The following CTNNA2 variants were observed in gnomAD, a reference collection of about 807,000 sequenced individuals.
The protein encoded by CTNNA2 is catenin alpha-2.
In CTNNA2, 42 loss-of-function variants were observed where a neutral mutation model predicts 101.0. The ratio of observed to expected loss-of-function variants is 0.42; its 90% CI spans 0.32 to 0.54. The LOEUF (loss-of-function observed/expected upper bound fraction) is 0.54. CTNNA2 is among the 20% of genes least tolerant of loss of function. CTNNA2 has a pLI of 0.14. For synonymous variants in CTNNA2, 450 were observed against 456.4 expected (o/e 0.99, Z 0.18); for missense variants, 871 against 1,223.1 (o/e 0.71, Z 4.29).
At chr2:80,106,894 T>C (rs1321449358) in intron 7 of CTNNA2, among the ~76,000 whole-genome samples, 1 of 152,116 alleles carries the variant, frequency 6.6e-6, no homozygotes, top group South Asian at 2.1e-4. Flanking sequence ...CGCTTGTCCT[T>C]TGGGGGCCCT....
At chr2:80,248,386 G>T (rs546765622) in intron 7 of CTNNA2, among the ~76,000 whole-genome samples, 39 of 152,276 alleles carry the variant, frequency 2.6e-4, no homozygotes, top group Admixed American at 9.2e-4. Flanking sequence ...TTATTTGTCT[G>T]TTGGGCAGGA....
chr2:79,402,378 G>T (rs2104482009), intron 4 of CTNNA2, among the ~76,000 whole-genome samples: 1 of 151,914 alleles, frequency 6.6e-6, no homozygotes, highest in South Asian at 2.1e-4. Flanking sequence ...CCCTTTATCT[G>T]CAGGGGATGT....
intron 2 of CTNNA2, among the ~76,000 whole-genome samples, chr2:79,211,392 C>T (rs1360285813): frequency 6.6e-6 from 1 of 152,106 alleles, no homozygotes; most frequent in Non-Finnish European, 1.5e-5. Context: ...TTTGTGTGAG[C>T]AGTAAAGCTG....
At chr2:79,356,910 T>C (rs1677520802) in intron 3 of CTNNA2, among the ~76,000 whole-genome samples, 1 of 152,182 alleles carries the variant, frequency 6.6e-6, no homozygotes, top group Non-Finnish European at 1.5e-5. Flanking sequence ...GATTTAAACA[T>C]AGTTATGATT....
intron 7 of CTNNA2, among the ~76,000 whole-genome samples, chr2:80,333,325 A>G (rs1573748343): frequency 2.0e-5 from 3 of 152,104 alleles, no homozygotes; most frequent in Non-Finnish European, 2.9e-5. Context: ...CCAAGGGCTT[A>G]TCTCATGGTG....
upstream of CTNNA2, among the ~76,000 whole-genome samples, chr2:79,511,588 T>C (rs1288992664): frequency 6.6e-6 from 1 of 152,160 alleles, no homozygotes; most frequent in African/African-American, 2.4e-5. Flanking sequence ...GTGACTCCTG[T>C]TCACTTTTTC....
intron 7 of CTNNA2, among the ~76,000 whole-genome samples, chr2:80,216,118 G>A (rs920263931): frequency 6.6e-6 from 1 of 152,206 alleles, no homozygotes; most frequent in Non-Finnish European, 1.5e-5. Flanking sequence ...GAAAAGCGCA[G>A]TATTAGGGTG....
chr2:79,758,837 A>C (rs1253478467), intron 3 of CTNNA2, among the ~76,000 whole-genome samples: 1 of 152,168 alleles, frequency 6.6e-6, no homozygotes, highest in African/African-American at 2.4e-5. Context: ...TTCTATATCC[A>C]ATCCACTGTT....
intron 1 of CTNNA2, among the ~76,000 whole-genome samples, chr2:79,619,152 G>A (rs1270850081): frequency 6.6e-6 from 1 of 152,246 alleles, no homozygotes; most frequent in East Asian, 1.9e-4. Context: ...GTTGCAGTGA[G>A]CCGAGATTGC....
chr2:79,720,100 C>A (rs1027695550), intron 2 of CTNNA2, among the ~76,000 whole-genome samples: 4 of 152,066 alleles, frequency 2.6e-5, no homozygotes, highest in African/African-American at 9.7e-5. Flanking sequence ...CAATTTCATT[C>A]TTTTGCATAT....
At chr2:80,361,498 G>A (rs112663154) in intron 7 of CTNNA2, among the ~76,000 whole-genome samples, 3,123 of 152,198 alleles carry the variant, frequency 0.021, 44 homozygotes, top group Middle Eastern at 0.037. Context: ...CAAACTACAT[G>A]TAGTTTCTTG....
At chr2:79,327,345 C>T (rs141153746) in intron 3 of CTNNA2, among the ~76,000 whole-genome samples, 16 of 152,178 alleles carry the variant, frequency 1.1e-4, no homozygotes, top group East Asian at 7.7e-4. Context: ...AAATCAGTTG[C>T]CATAACCCTT....
At chr2:80,598,767 G>GCATAA (rs1265835788) in intron 15 of CTNNA2, among the ~76,000 whole-genome samples, 2 of 152,168 alleles carry the variant, frequency 1.3e-5, no homozygotes, top group Admixed American at 6.5e-5. Context: ...GTGAAAAACA[G>GCATAA]TTATCTCAAA....
intron 2 of CTNNA2, among the ~76,000 whole-genome samples, chr2:79,685,535 C>T (rs1011962195): frequency 5.3e-5 from 8 of 152,192 alleles, no homozygotes; most frequent in African/African-American, 1.7e-4. Flanking sequence ...AGCTCCATTC[C>T]TCTGCCTTTC....
At chr2:80,416,328 A>G (rs1428268845) in intron 8 of CTNNA2, among the ~76,000 whole-genome samples, 1 of 152,188 alleles carries the variant, frequency 6.6e-6, no homozygotes, top group Non-Finnish European at 1.5e-5. Context: ...TCATCATGTT[A>G]TACACTTTAA....
intron 3 of CTNNA2, among the ~76,000 whole-genome samples, chr2:79,369,148 T>C (rs1250545263): frequency 1.3e-5 from 2 of 151,706 alleles, no homozygotes; most frequent in African/African-American, 4.8e-5. Flanking sequence ...AATAAGGGAG[T>C]GGAGAAGGTA....
intron 7 of CTNNA2, among the ~76,000 whole-genome samples, chr2:80,124,979 A>T (rs967160658): frequency 3.3e-5 from 5 of 152,198 alleles, no homozygotes; most frequent in African/African-American, 1.2e-4. Flanking sequence ...AGCATGGCCT[A>T]TTCAAGGGAC....
chr2:80,295,736 T>C (rs1675684832), intron 7 of CTNNA2, among the ~76,000 whole-genome samples: 1 of 152,238 alleles, frequency 6.6e-6, no homozygotes, highest in Admixed American at 6.5e-5. Context: ...GACAGTACTA[T>C]GTCTAAAGAT....
At chr2:80,082,774 C>A (rs1699227596) in intron 7 of CTNNA2, among the ~76,000 whole-genome samples, 1 of 152,082 alleles carries the variant, frequency 6.6e-6, no homozygotes, top group African/African-American at 2.4e-5. Flanking sequence ...TATGCTATAG[C>A]TTTAAATCAC....
Sources: gnomAD v4.1 joint callset for allele counts (sites outside exome capture counted in the v4.1 genomes callset) on GRCh38, gnomAD v4.1.1 for gene constraint, MANE v1.5 for transcripts, NCBI Gene and HGNC (gene_info 2026-07-23, HGNC 2026-07-21) for gene names.